The following MAP3K3 variants were observed in gnomAD, a reference collection of about 807,000 sequenced individuals.
The protein encoded by MAP3K3 is MAP/ERK kinase kinase 3.
Under a neutral mutation model 80.9 loss-of-function variants are expected in MAP3K3, and 12 were observed. The ratio of observed to expected loss-of-function variants is 0.15; its 90% CI spans 0.10 to 0.24. The LOEUF is 0.24. Among genes scored for constraint, MAP3K3 ranks in the 10% least tolerant of loss-of-function variants. The pLI is 1.00. For synonymous variants in MAP3K3, 272 were observed against 307.1 expected (o/e 0.89, Z 1.19); for missense variants, 596 against 834.7 (o/e 0.71, Z 3.52).
At chr17:63,662,103 A>T (rs974113831) in intron 5 of MAP3K3, among the ~76,000 whole-genome samples, 4 of 146,828 alleles carry the variant, frequency 2.7e-5, no homozygotes, top group Admixed American at 1.4e-4. Flanking sequence ...ACTCCATCTC[A>T]TCTCAATAAT....
chr17:63,679,606 C>T (rs914155250), intron 6 of MAP3K3, among the ~76,000 whole-genome samples: 1 of 152,130 alleles, frequency 6.6e-6, no homozygotes, highest in South Asian at 2.1e-4. Context: ...TCTCAGTCTT[C>T]CAAGTAGCTG....
intron 6 of MAP3K3, among the ~76,000 whole-genome samples, chr17:63,673,134 A>G (rs993968982): frequency 6.6e-6 from 1 of 152,210 alleles, no homozygotes; most frequent in African/African-American, 2.4e-5. Context: ...GGGTAGCCCA[A>G]TCAAATTCCA....
At chr17:63,624,378 T>G (rs918353823) in intron 1 of MAP3K3, among the ~76,000 whole-genome samples, 1 of 152,188 alleles carries the variant, frequency 6.6e-6, no homozygotes, top group African/African-American at 2.4e-5. Context: ...TACTTAAGGG[T>G]ATGTAGACCA....
intron 3 of MAP3K3, among the ~76,000 whole-genome samples, chr17:63,651,575 C>T (rs1190174892): frequency 6.6e-6 from 1 of 152,178 alleles, no homozygotes; most frequent in African/African-American, 2.4e-5. Flanking sequence ...GGACCTGTCA[C>T]CCAGCTTCAA....
chr17:63,638,805 G>A lies in MAP3K3; in HGVS notation c.126+6003G>A, dbSNP rs534909522. ...CTCATGCCTGTAACCCCAACACTTTGGGAGGCCGAGGCAGGCGGATCACCT... is the reference window on the plus strand; with the variant it reads ...CTCATGCCTGTAACCCCAACACTTTAGGAGGCCGAGGCAGGCGGATCACCT... On this transcript the variant is annotated intron_variant, in intron 2 of 15. Transcript: ENST00000361733. 3.3e-5 allele frequency among the ~76,000 whole-genome samples: 5 copies of A among 152,284 alleles called. No homozygotes were observed. In the East Asian group the frequency reaches 9.7e-4, roughly 29 times the overall value.
At chr17:63,664,342 C>T (rs1311257711) in intron 5 of MAP3K3, among the ~76,000 whole-genome samples, 2 of 151,192 alleles carry the variant, frequency 1.3e-5, no homozygotes, top group African/African-American at 2.4e-5. Flanking sequence ...TCACAGCTAT[C>T]ATAACTATCA....
At chr17:63,626,870 A>G (rs1198579173) in intron 1 of MAP3K3, among the ~76,000 whole-genome samples, 3 of 152,252 alleles carry the variant, frequency 2.0e-5, no homozygotes, top group Non-Finnish European at 4.4e-5. Flanking sequence ...ATGAAACAAA[A>G]CAAAGATTAA....
At chr17:63,635,565 T>C (rs1272474366) in intron 2 of MAP3K3, among the ~76,000 whole-genome samples, 1 of 152,148 alleles carries the variant, frequency 6.6e-6, no homozygotes, top group Non-Finnish European at 1.5e-5. Context: ...AAAGACAAAG[T>C]CTCAGCAAAT....
intron 1 of MAP3K3, among the ~76,000 whole-genome samples, chr17:63,630,967 T>C (rs572256808): frequency 2.0e-5 from 3 of 152,190 alleles, no homozygotes; most frequent in Admixed American, 6.5e-5. Context: ...CCAGAGCAGA[T>C]TTCGTCTAGG....
In MAP3K3 at chr17:63,647,930, A is replaced by G. The variant is rs2034572044; in HGVS notation, c.167+1856A>G. The stretch of plus-strand genomic sequence containing the variant: ...AAGTCATGACTTTTCCCACTTATCC[A>G]TGACAGGTATTCATTCTGGTGGGCT... On this transcript the variant is annotated intron_variant, in intron 3 of 15. Coordinates refer to ENST00000361733, the MANE Select transcript of MAP3K3 (RefSeq NM_002401.5). Among the ~76,000 whole-genome samples the G allele has an allele frequency of 2.6e-5, 4 of 152,242 alleles. No homozygotes were observed. The South Asian group carries it at 8.3e-4, about 31-fold the overall frequency.
intron 1 of MAP3K3, among the ~76,000 whole-genome samples, chr17:63,630,534 C>T (rs1184349166): frequency 2.0e-5 from 3 of 152,046 alleles, no homozygotes; most frequent in Non-Finnish European, 4.4e-5. Flanking sequence ...GCCATGTTGC[C>T]CAGTCTGGTC....
chr17:63,665,356 G>A (rs1434714015), intron 5 of MAP3K3, among the ~76,000 whole-genome samples: 3 of 152,052 alleles, frequency 2.0e-5, no homozygotes, highest in East Asian at 2.0e-4. Context: ...TATTAGAGAC[G>A]GGGTTCCACT....
chr17:63,680,281 G>C (rs891573035), intron 6 of MAP3K3, among the ~76,000 whole-genome samples: 2 of 152,170 alleles, frequency 1.3e-5, no homozygotes, highest in Non-Finnish European at 2.9e-5. Flanking sequence ...AGAGAGGTAA[G>C]GGGTGGTAGA....
chr17:63,636,597 G>A (rs2034328869), intron 2 of MAP3K3: 3 of 179,666 alleles, frequency 1.7e-5, no homozygotes, highest in Non-Finnish European at 3.5e-5. Context: ...GTGCTGGCCT[G>A]TGGCTGAACA....
chr17:63,626,885 T>G (rs2034113664), intron 1 of MAP3K3, among the ~76,000 whole-genome samples: 1 of 152,166 alleles, frequency 6.6e-6, no homozygotes. Context: ...GATTAAAACA[T>G]TACTTTGGGG....
chr17:63,636,795 G>T, intron 2 of MAP3K3: 1 of 326,760 alleles, frequency 3.1e-6, no homozygotes, highest in Non-Finnish European at 6.1e-6. Context: ...GGCTGTGGGA[G>T]AAGTGGCTGA....
chr17:63,656,047 T>C (rs1302256416), intron 4 of MAP3K3, among the ~76,000 whole-genome samples: 1 of 151,880 alleles, frequency 6.6e-6, no homozygotes, highest in Non-Finnish European at 1.5e-5. Flanking sequence ...CTGGACAACA[T>C]GGTGAAACCC....
chr17:63,650,658 TAGAGAGAG>T (rs61412799), intron 3 of MAP3K3, among the ~76,000 whole-genome samples: 3,416 of 117,236 alleles, frequency 0.029, 165 homozygotes, highest in African/African-American at 0.1. Context: ...CTGTCTCTTA[TAGAGAGAG>T]AGAGAGAGAG....
At chr17:63,679,979 G>T (rs1257452314) in intron 6 of MAP3K3, among the ~76,000 whole-genome samples, 1 of 152,184 alleles carries the variant, frequency 6.6e-6, no homozygotes, top group Non-Finnish European at 1.5e-5. Flanking sequence ...GAGCCCAGGA[G>T]CTCAAGACTA....
Sources: gnomAD v4.1 joint callset for allele counts (sites outside exome capture counted in the v4.1 genomes callset) on GRCh38, gnomAD v4.1.1 for gene constraint, MANE v1.5 for transcripts, NCBI Gene and HGNC (gene_info 2026-07-23, HGNC 2026-07-21) for gene names.